NCOA2: variants seen among roughly 807,000 people sequenced by gnomAD.
NCOA2 encodes class E basic helix-loop-helix protein 75.
A neutral mutation model predicts 145.1 loss-of-function variants in NCOA2; 21 were observed. The observed-to-expected ratio is 0.14, with a 90% CI of 0.10 to 0.21. The LOEUF is 0.21. Ranked by LOEUF, NCOA2 falls within the 10% of genes least tolerant of loss-of-function variation. The pLI, the probability that NCOA2 is intolerant of heterozygous loss-of-function variation, is 1.00. For synonymous variants in NCOA2, 619 were observed against 637.5 expected (o/e 0.97, Z 0.44); for missense variants, 1,472 against 1,837.6 (o/e 0.80, Z 3.64).
intron 9 of NCOA2, among the ~76,000 whole-genome samples, chr8:70,161,179 G>A (rs1480025702): frequency 6.6e-6 from 1 of 152,112 alleles, no homozygotes; most frequent in African/African-American, 2.4e-5. Flanking sequence ...TGTCTATACG[G>A]GGTTTCCTTC....
intron 9 of NCOA2, among the ~76,000 whole-genome samples, chr8:70,160,682 G>GAGAGAGAGGGAGAGA (rs371258460): frequency 1.7e-5 from 1 of 58,302 alleles, no homozygotes; most frequent in South Asian, 5.4e-4. Context: ...AGAGAGAGAG[G>GAGAGAGAGGGAGAGA]GAGAGAGAGA....
Position 70,248,405 on chromosome 8 carries a change from C to A in NCOA2, c.-19-31641G>T, listed in dbSNP as rs1007692224. Among the ~76,000 whole-genome samples the A allele has an allele frequency of 1.3e-3, 193 of 152,302 alleles. 1 individual carries two copies. Among genetic ancestry groups the A allele is most frequent in the African/African-American group, 4.4e-3 (181 of 41,566 alleles). ...ACATCTCCTCATCCCTGCCAACAAC[C>A]ACGATACTCTGATTTTCTGTTACCA... On this transcript the variant is annotated intron_variant, in intron 2 of 22. Transcript: ENST00000452400.
intron 1 of NCOA2, among the ~76,000 whole-genome samples, chr8:70,313,804 TC>T (rs1398602266): frequency 6.6e-6 from 1 of 152,010 alleles, no homozygotes; most frequent in African/African-American, 2.4e-5. Flanking sequence ...TCCTCCACCA[TC>T]CCCCTATTAT....
chr8:70,236,170 G>A (rs1586203883), intron 2 of NCOA2, among the ~76,000 whole-genome samples: 1 of 152,034 alleles, frequency 6.6e-6, no homozygotes, highest in Admixed American at 6.5e-5. Context: ...ATATCCTCAA[G>A]TCTCTCCTCT....
At chr8:70,318,852 G>T (rs926810748) in intron 1 of NCOA2, among the ~76,000 whole-genome samples, 7 of 152,172 alleles carry the variant, frequency 4.6e-5, no homozygotes, top group African/African-American at 1.7e-4. Flanking sequence ...GAAATCTCAA[G>T]ACCAAGTCAT....
chr8:70,347,253 A>G (rs61606320), intron 1 of NCOA2, among the ~76,000 whole-genome samples: 36,947 of 151,802 alleles, frequency 0.24, 5,632 homozygotes, highest in East Asian at 0.57. Context: ...GGGAGGCTGA[A>G]GCAGACAGAT....
chr8:70,341,081 T>TAAAAAAA (rs1563782941), intron 1 of NCOA2, among the ~76,000 whole-genome samples: 2,923 of 95,890 alleles, frequency 0.03, 108 homozygotes, highest in African/African-American at 0.16. Context: ...CTTAAAAAGT[T>TAAAAAAA]GAAAAAAAAA....
intron 15 of NCOA2, among the ~76,000 whole-genome samples, chr8:70,136,407 G>C (rs189212659): frequency 9.2e-4 from 140 of 152,160 alleles, no homozygotes; most frequent in African/African-American, 3.2e-3. Context: ...TGAACTTAAT[G>C]CAAAAGGAAG....
chr8:70,405,987 C>T (rs562378226), upstream of NCOA2, among the ~76,000 whole-genome samples: 2 of 152,290 alleles, frequency 1.3e-5, no homozygotes, highest in East Asian at 3.9e-4. Flanking sequence ...CTTAAACGCG[C>T]TCTGGTACAA....
chr8:70,201,001 G>A lies in NCOA2; in HGVS notation c.259+12902C>T, dbSNP rs190091252. 1.3e-4 allele frequency among the ~76,000 whole-genome samples: 16 copies of A among 125,966 alleles called. No individual in the cohort carries two copies. The East Asian group carries it at 2.8e-3, about 22-fold the overall frequency. The allele number at this position is 125,966 out of a possible 152,430, so 82.6% of individuals were successfully genotyped here. A position where few individuals can be genotyped will look rare whatever the true frequency, so the allele number is the denominator to read the frequency against. ...AAGTCAAGGGGCTGCGGTGAGCCAC[G>A]ATTACACTACTGCACTCCAGCCTGG... is the stretch of plus-strand genomic sequence containing the variant. On this transcript the variant is annotated intron_variant, in intron 4 of 22. Coordinates refer to ENST00000452400, the MANE Select transcript of NCOA2 (RefSeq NM_006540.4).
intron 4 of NCOA2, among the ~76,000 whole-genome samples, chr8:70,211,227 G>A (rs541494791): frequency 2.6e-5 from 4 of 152,226 alleles, no homozygotes; most frequent in Admixed American, 1.3e-4. Flanking sequence ...TTGGGAGGCC[G>A]AGGCAGGCAG....
intron 22 of NCOA2, among the ~76,000 whole-genome samples, chr8:70,116,850 T>C (rs1475712175): frequency 6.6e-6 from 1 of 152,144 alleles, no homozygotes; most frequent in Non-Finnish European, 1.5e-5. Context: ...GTTGACGAGG[T>C]TATCAGTGGC....
At chr8:70,352,040 C>A (rs574719751) in intron 1 of NCOA2, among the ~76,000 whole-genome samples, 2 of 151,906 alleles carry the variant, frequency 1.3e-5, no homozygotes, top group Non-Finnish European at 2.9e-5. Flanking sequence ...CAAAAGGTCA[C>A]AAGGAATTTC....
At position 70,121,386 on chromosome 8, in the gene NCOA2, A is replaced by G. The variant is rs1473025608; in HGVS notation, c.4299T>C (p.Asn1433=). ...GGTTGCCTCCCCTCAGAGCAGGATC[A>G]TTAACCTAAGGACAAGAAGACAGGA... ...GLSSMGPEQV[N]DPALRGGNLF... The change falls in exon 22 of 23, where the codon AAT becomes AAC. Residue 1433 remains asparagine, a synonymous_variant. Transcript: ENST00000452400. 1.9e-6 allele frequency: 3 copies of G among 1,610,812 alleles called. No homozygotes were observed. Among genetic ancestry groups the G allele is most frequent in the Non-Finnish European group, 2.5e-6 (3 of 1,178,286 alleles).
chr8:70,450,064 T>G, the NCOA2 span, among the ~76,000 whole-genome samples: 6 of 152,322 alleles, frequency 3.9e-5, no homozygotes, highest in South Asian at 1.2e-3. Flanking sequence ...CGTAAGAGGT[T>G]GGAAAGAGAA....
chr8:70,167,613 T>C (rs1813766043), intron 6 of NCOA2, among the ~76,000 whole-genome samples: 1 of 152,242 alleles, frequency 6.6e-6, no homozygotes, highest in South Asian at 2.1e-4. Context: ...TCTTTTTAAA[T>C]TGTTTCATGT....
intron 1 of NCOA2, among the ~76,000 whole-genome samples, chr8:70,300,801 T>G (rs1049334830): frequency 2.6e-5 from 4 of 152,222 alleles, no homozygotes; most frequent in Non-Finnish European, 5.9e-5. Context: ...TTTTTTTGGC[T>G]TAACAACAAT....
chr8:70,205,636 A>G lies in NCOA2; in HGVS notation c.259+8267T>C, dbSNP rs7840071. Among the ~76,000 whole-genome samples, 294 of 152,180 alleles carry G rather than the reference A, an allele frequency of 1.9e-3. 2 individuals carry two copies. Among genetic ancestry groups the G allele is most frequent in the African/African-American group, 5.5e-3 (229 of 41,562 alleles). On this transcript the variant is annotated intron_variant, in intron 4 of 22. Coordinates refer to ENST00000452400, the MANE Select transcript of NCOA2 (RefSeq NM_006540.4). Reference sequence around the variant, plus strand: ...AAAAAGAGGCATTCCCAAACAGAAGACCCAGAAGGAGGAAACCACAACGTG... The same window carrying G: ...AAAAAGAGGCATTCCCAAACAGAAGGCCCAGAAGGAGGAAACCACAACGTG...
the NCOA2 span, among the ~76,000 whole-genome samples, chr8:70,440,866 G>A: frequency 6.6e-6 from 1 of 150,944 alleles, no homozygotes. Flanking sequence ...AAGGAAGAAA[G>A]AAAGACAGAC....
Sources: gnomAD v4.1 joint callset for allele counts (sites outside exome capture counted in the v4.1 genomes callset) on GRCh38, gnomAD v4.1.1 for gene constraint, MANE v1.5 for transcripts, NCBI Gene and HGNC (gene_info 2026-07-23, HGNC 2026-07-21) for gene names.